The following LYZL6 variants were observed in gnomAD, a reference collection of about 807,000 sequenced individuals.
The protein encoded by LYZL6 is lysozyme-like protein 6.
LYZL6 carries 21 observed loss-of-function variants against 15.0 expected under a neutral mutation model. The observed-to-expected ratio is 1.40, with a 90% CI of 1.00 to 2.02. The LOEUF (loss-of-function observed/expected upper bound fraction) is 2.02, where lower values mean the gene tolerates loss of function less well. LYZL6 is among the 30% of genes most tolerant of loss of function. LYZL6 has a pLI of 0.00. For synonymous variants in LYZL6, 72 were observed against 67.8 expected, an observed-to-expected ratio of 1.06 and a Z score of -0.31; for missense variants, 173 against 180.5, an observed-to-expected ratio of 0.96 and a Z score of 0.24.
intron 3 of LYZL6, among the ~76,000 whole-genome samples, 197 bp from the exon 4 acceptor site, chr17:35,937,030 G>A (rs1249658524): frequency 6.6e-6 from 1 of 152,222 alleles, no homozygotes; most frequent in Admixed American, 6.5e-5. Flanking sequence ...GTGGGCAGAA[G>A]GGGCAAGAGG....
chr17:35,942,676 A>G (rs1368901293), intron 1 of LYZL6, among the ~76,000 whole-genome samples: 1 of 152,226 alleles, frequency 6.6e-6, no homozygotes, highest in African/African-American at 2.4e-5. Flanking sequence ...AGCAAAGGGT[A>G]AAAACAGATA....
At chr17:35,939,637 A>C (rs912102772) in intron 1 of LYZL6, 79 bp from the exon 2 acceptor site, 1 of 255,854 alleles carries the variant, frequency 3.9e-6, no homozygotes, top group Non-Finnish European at 7.3e-6. Flanking sequence ...AACCAAGGCC[A>C]ATCTTTCTTT....
intron 1 of LYZL6, among the ~76,000 whole-genome samples, chr17:35,942,783 C>T (rs2089433443): frequency 6.6e-6 from 1 of 152,126 alleles, no homozygotes; most frequent in South Asian, 2.1e-4. Context: ...GCCTTAATAA[C>T]TACATTCCTT....
In LYZL6 at chr17:35,939,419, T is replaced by C. The variant is rs1283400572; in HGVS notation, c.-63A>G. ...TCTTAGGGTCTTGCAGACTTTCTGC[T>C]GATCTTCTCTGAGAGCCTGGGGAAT... On this transcript the variant is annotated 5_prime_UTR_variant, in exon 2 of 5. Coordinates refer to ENST00000615905, the MANE Select transcript of LYZL6 (RefSeq NM_020426.4). 2.0e-6 allele frequency: 3 copies of C among 1,538,164 alleles called. No homozygotes were observed. The highest frequency in any genetic ancestry group is 2.7e-5 in the African/African-American group (2 of 73,790).
Position 35,937,795 on chromosome 17 carries a change from C to G in LYZL6, c.261G>C (p.Lys87Asn). 6.2e-7 allele frequency: 1 copy of G among 1,614,172 alleles called. No individual in the cohort carries two copies. The highest frequency in any genetic ancestry group is 8.5e-7 in the Non-Finnish European group (1 of 1,180,032). Residue 87 changes from lysine to asparagine, a missense_variant, in exon 3 of 5, where the codon AAG becomes AAC. Lys to Asn is a moderately conservative substitution (Grantham distance 94, BLOSUM62 0). Transcript: ENST00000615905. ...INSHYWCNDY[K>N]SYSENLCHVD... ...CGTGGCAAAGGTTTTCCGAGTAACT[C>G]TTATAATCGTTGCACCAGTAGTGGC...
chr17:35,939,032 AGTT>A, intron 2 of LYZL6, among the ~76,000 whole-genome samples, 183 bp downstream of exon 2: 1 of 152,366 alleles, frequency 6.6e-6, no homozygotes. Context: ...TGCCTAAAAC[AGTT>A]GTTGGTACAT....
chr17:35,940,208 C>A (rs968703849), intron 1 of LYZL6, among the ~76,000 whole-genome samples: 6 of 152,114 alleles, frequency 3.9e-5, no homozygotes, highest in African/African-American at 1.4e-4. Context: ...CCTTTCTGGG[C>A]CTCATTTGTA....
At chr17:35,935,109 G>A (rs182512954) in intron 4 of LYZL6, among the ~76,000 whole-genome samples, 64 of 151,756 alleles carry the variant, frequency 4.2e-4, no homozygotes, top group Non-Finnish European at 1.3e-4. Flanking sequence ...CTCCCTGAAG[G>A]GGTGAGCACT....
At chr17:35,939,082 G>T in intron 2 of LYZL6, 136 bp downstream of exon 2, 1 of 962,548 alleles carries the variant, frequency 1.0e-6, no homozygotes, top group Non-Finnish European at 1.6e-6. Flanking sequence ...TGAATACAGC[G>T]TGTTGGGAAA....
chr17:35,936,795 C>A lies in LYZL6; in HGVS notation c.337G>T (p.Ala113Ser), dbSNP rs771540627. ...CGTGCTCCGGACACAATCCTTTTTG[C>A]GCAGTGGATGCCTGCAAGAAGGTTG... is the stretch of plus-strand genomic sequence containing the variant. ...NPNLLAGIHCAKRIVSGARGM... is the reference protein window; with the variant it reads ...NPNLLAGIHCSKRIVSGARGM... Residue 113 changes from alanine to serine, a missense_variant, in exon 4 of 5, where the codon GCA (alanine) becomes TCA (serine). Transcript: ENST00000615905. 10 of 1,613,810 alleles carry A rather than the reference C, an allele frequency of 6.2e-6. No individual in the cohort carries two copies. Among genetic ancestry groups the A allele is most frequent in the Non-Finnish European group, 8.5e-6 (10 of 1,180,010 alleles).
chr17:35,941,268 A>G (rs1199551567), intron 1 of LYZL6, among the ~76,000 whole-genome samples: 2 of 152,138 alleles, frequency 1.3e-5, no homozygotes, highest in African/African-American at 4.8e-5. Flanking sequence ...TCATCTTTTT[A>G]TGTGCTTATT....
At chr17:35,941,493 A>T (rs1297764805) in intron 1 of LYZL6, among the ~76,000 whole-genome samples, 1 of 151,836 alleles carries the variant, frequency 6.6e-6, no homozygotes, top group East Asian at 1.9e-4. Context: ...AATTTTGATG[A>T]TGTGCAAGTT....
chr17:35,934,971 C>A, intron 4 of LYZL6, 106 bp from the exon 5 acceptor site: 1 of 1,003,294 alleles, frequency 1.0e-6, no homozygotes, highest in Non-Finnish European at 1.5e-6. Flanking sequence ...CCAGAATCCC[C>A]GTCATTGCTA....
chr17:35,937,005 G>A (rs767413760), intron 3 of LYZL6, among the ~76,000 whole-genome samples, 172 bp from the exon 4 acceptor site: 5 of 152,302 alleles, frequency 3.3e-5, no homozygotes, highest in Non-Finnish European at 5.9e-5. Flanking sequence ...CTAGAGGTTC[G>A]AGGTGAAAGG....
chr17:35,939,389 A>C lies in LYZL6; in HGVS notation c.-33T>G, dbSNP rs1242881603. Reference sequence around the variant, plus strand: ...GGGGAGGAGGTGCAGCTGAGGGCTGATGGTTCTTAGGGTCTTGCAGACTTT... The same window carrying C: ...GGGGAGGAGGTGCAGCTGAGGGCTGCTGGTTCTTAGGGTCTTGCAGACTTT... On this transcript the variant is annotated 5_prime_UTR_variant, in exon 2 of 5. Coordinates refer to ENST00000615905, the MANE Select transcript of LYZL6 (RefSeq NM_020426.4). 6.2e-7 allele frequency: 1 copy of C among 1,610,094 alleles called. No individual in the cohort carries two copies. The highest frequency in any genetic ancestry group is 1.7e-5 in the Admixed American group (1 of 59,872).
At chr17:35,942,068 T>C (rs1217717600) in intron 1 of LYZL6, among the ~76,000 whole-genome samples, 1 of 152,230 alleles carries the variant, frequency 6.6e-6, no homozygotes, top group African/African-American at 2.4e-5. Flanking sequence ...CGTCCAGGGA[T>C]GCATAGGCTA....
chr17:35,937,734 C>A (rs1269891072), intron 3 of LYZL6, 24 bp downstream of exon 3: 2 of 1,608,854 alleles, frequency 1.2e-6, no homozygotes, highest in African/African-American at 2.7e-5. Context: ...TCTCATCTCT[C>A]CCACCCTGGG....
Position 35,936,795 on chromosome 17 carries a change from C to T in LYZL6, c.337G>A (p.Ala113Thr), listed in dbSNP as rs771540627. Residue 113 changes from alanine (A) to threonine (T), a missense_variant, in exon 4 of 5, where the codon GCA becomes ACA. By Grantham distance (58) the Ala-to-Thr change is moderately conservative. Coordinates refer to ENST00000615905, the MANE Select transcript of LYZL6 (RefSeq NM_020426.4). Reference sequence around the variant, plus strand: ...CGTGCTCCGGACACAATCCTTTTTGCGCAGTGGATGCCTGCAAGAAGGTTG... The same window carrying T: ...CGTGCTCCGGACACAATCCTTTTTGTGCAGTGGATGCCTGCAAGAAGGTTG... ...NPNLLAGIHCAKRIVSGARGM... is the reference protein window; with the variant it reads ...NPNLLAGIHCTKRIVSGARGM... 3.0e-5 allele frequency: 48 copies of T among 1,613,810 alleles called. No individual in the cohort carries two copies. In the African/African-American group the frequency reaches 4.1e-4, roughly 14 times the overall value.
chr17:35,936,895 A>G (rs1360034786), intron 3 of LYZL6, 62 bp from the exon 4 acceptor site: 1 of 1,445,482 alleles, frequency 6.9e-7, no homozygotes, highest in Non-Finnish European at 9.7e-7. Context: ...ATGGAGGCAG[A>G]CACCAGCCCT....
Sources: allele counts gnomAD v4.1 joint callset (sites outside exome capture counted in the v4.1 genomes callset), GRCh38; gene constraint gnomAD v4.1.1; transcripts MANE v1.5; gene names NCBI Gene and HGNC (gene_info 2026-07-23, HGNC 2026-07-21).